Variants in FBXO25 observed in about 807,000 individuals in gnomAD.
FBXO25 encodes the protein F-box only protein 25.
In FBXO25, 45 loss-of-function variants were observed where a neutral mutation model predicts 51.9. The observed-to-expected ratio is 0.87, with a 90% CI of 0.68 to 1.11. FBXO25 has a LOEUF of 1.11. Ranked by LOEUF, FBXO25 falls within the 50% of genes most tolerant of loss-of-function variation. The probability of loss-of-function intolerance (pLI) is 0.00; values close to 1 mark genes in which losing one functional copy is unlikely to be tolerated. For synonymous variants in FBXO25, 199 were observed against 151.0 expected (o/e 1.32, Z -2.33); for missense variants, 507 against 428.5 (o/e 1.18, Z -1.62).
At chr8:467,813 G>T in intron 9 of FBXO25, 1 of 1,606,352 alleles carries the variant, frequency 6.2e-7, no homozygotes, top group South Asian at 1.1e-5. Flanking sequence ...TGCATCTCAT[G>T]CACGTCATCT....
intron 9 of FBXO25, among the ~76,000 whole-genome samples, chr8:466,787 T>A (rs899143961): frequency 1.3e-5 from 2 of 152,176 alleles, no homozygotes; most frequent in Admixed American, 6.5e-5. Context: ...TTAGTCAGCC[T>A]TCCACACAGT....
In FBXO25 at chr8:465,440, T is replaced by C. The variant is rs73669399; in HGVS notation, c.987+2290T>C. Among the ~76,000 whole-genome samples the C allele has an allele frequency of 7.2e-3, 1,103 of 152,348 alleles. 12 individuals carry two copies. Among genetic ancestry groups the C allele is most frequent in the African/African-American group, 0.025 (1,059 of 41,578 alleles). ...GGGAAAATACCATTCATAGAAGGGA[T>C]AGAAGGCTTTCAGTTTTGTATGTGG... On this transcript the variant is annotated intron_variant, in intron 9 of 9. Coordinates refer to ENST00000350302, the MANE Select transcript of FBXO25 (RefSeq NM_183420.2).
intron 7 of FBXO25, among the ~76,000 whole-genome samples, chr8:453,729 C>G (rs974642351): frequency 6.6e-6 from 1 of 152,132 alleles, no homozygotes; most frequent in Admixed American, 6.5e-5. Context: ...CCAAGCACAC[C>G]GCCTGAAGTT....
At chr8:459,151 C>T (rs1371312433) in intron 8 of FBXO25, among the ~76,000 whole-genome samples, 1 of 152,206 alleles carries the variant, frequency 6.6e-6, no homozygotes, top group African/African-American at 2.4e-5. Context: ...GGGTTCCCCT[C>T]GTCACCCCAC....
At chr8:466,804 G>GT (rs1164563494) in intron 9 of FBXO25, among the ~76,000 whole-genome samples, 28 of 152,274 alleles carry the variant, frequency 1.8e-4, no homozygotes, top group African/African-American at 5.8e-4. Flanking sequence ...CAGTCTGTAA[G>GT]TAACTGGGCT....
In FBXO25 at chr8:466,856, C is replaced by T. The variant is rs116157016; in HGVS notation, c.988-1859C>T. The stretch of plus-strand genomic sequence containing the variant: ...CCAAAGACTGACTTCGATGGCCCTG[C>T]GAGGGTCCACTGAGAGGGGTGGCGT... On this transcript the variant is annotated intron_variant, in intron 9 of 9. Transcript: ENST00000350302. Among the ~76,000 whole-genome samples the T allele has an allele frequency of 6.2e-4, 95 of 152,290 alleles. 1 individual carries two copies. The highest frequency in any genetic ancestry group is 2.1e-3 in the African/African-American group (89 of 41,558).
chr8:459,953 G>C (rs1013195688), intron 8 of FBXO25, among the ~76,000 whole-genome samples: 2 of 152,206 alleles, frequency 1.3e-5, no homozygotes, highest in African/African-American at 4.8e-5. Context: ...AAGTGGACTT[G>C]TTCGGGAGAA....
intron 8 of FBXO25, 96 bp downstream of exon 8, chr8:458,647 T>C (rs1004593813): frequency 2.8e-5 from 33 of 1,193,954 alleles, no homozygotes; most frequent in Middle Eastern, 4.3e-4. Context: ...AAAGAATGGC[T>C]GAGTATTTTC....
At position 471,468 on chromosome 8, in the gene FBXO25, G is replaced by C. The variant is rs1431591061; in HGVS notation, c.*2664G>C. On this transcript the variant is annotated 3_prime_UTR_variant, in exon 10 of 10. Coordinates refer to ENST00000350302, the MANE Select transcript of FBXO25 (RefSeq NM_183420.2). ...AAAAGTAGGGATGCCACTCCTGTGAGATTAAGTTACATTCTGATGCCTTCA... is the reference window on the plus strand; with the variant it reads ...AAAAGTAGGGATGCCACTCCTGTGACATTAAGTTACATTCTGATGCCTTCA... 1 of 152,216 alleles carries C rather than the reference G, an allele frequency of 6.6e-6. No individual in the cohort carries two copies. The highest frequency in any genetic ancestry group is 1.5e-5 in the Non-Finnish European group (1 of 68,050). 9.4% of individuals were successfully genotyped at this position (152,216 alleles called of 1,614,324 possible). A position where few individuals can be genotyped will look rare whatever the true frequency, so the allele number is the denominator to read the frequency against.
At chr8:430,785 T>C (rs1372044095) in intron 2 of FBXO25, among the ~76,000 whole-genome samples, 1 of 152,236 alleles carries the variant, frequency 6.6e-6, no homozygotes, top group Non-Finnish European at 1.5e-5. Flanking sequence ...AGAAAAGCTT[T>C]TAATTAAATG....
At chr8:448,056 A>G (rs1798849284) in intron 5 of FBXO25, among the ~76,000 whole-genome samples, 1 of 152,216 alleles carries the variant, frequency 6.6e-6, no homozygotes, top group African/African-American at 2.4e-5. Flanking sequence ...AATTAATAAG[A>G]ATGAAACCGT....
chr8:466,778 TAGTC>T (rs887061349), intron 9 of FBXO25, among the ~76,000 whole-genome samples: 4 of 152,168 alleles, frequency 2.6e-5, no homozygotes, highest in Non-Finnish European at 4.4e-5. Context: ...CTACCTGCCT[TAGTC>T]AGCCTTCCAC....
chr8:464,805 G>T (rs1442064938), intron 9 of FBXO25, among the ~76,000 whole-genome samples: 1 of 152,122 alleles, frequency 6.6e-6, no homozygotes, highest in Non-Finnish European at 1.5e-5. Context: ...ATGAATATGA[G>T]ATTTTATTTC....
At chr8:421,450 G>A (rs535397727) in intron 2 of FBXO25, among the ~76,000 whole-genome samples, 1 of 152,272 alleles carries the variant, frequency 6.6e-6, no homozygotes, top group South Asian at 2.1e-4. Flanking sequence ...CAAAACCTGT[G>A]GTTAGTGCAC....
Position 435,674 on chromosome 8 carries a change from TCAAG to T in FBXO25, c.349_352del (p.Gln117IlefsTer14). The T allele has an allele frequency of 6.2e-7, 1 of 1,600,730 alleles. No homozygotes were observed. The highest frequency in any genetic ancestry group is 8.5e-7 in the Non-Finnish European group (1 of 1,176,468). The stretch of plus-strand genomic sequence containing the variant: ...ATCGGTTAGACTTCTCAAGTGCAAT[TCAAG>T]ATATCCGAAGGTTCAATTATGTGGT... On this transcript the variant is annotated frameshift_variant, in exon 5 of 10. Transcript: ENST00000350302. LOFTEE classifies it high-confidence loss of function.
In FBXO25 at chr8:473,098, C is replaced by T. The variant is rs934163238; in HGVS notation, c.*4294C>T. ...GCATCCACCCTGCACTCATATGTATCTCAACAGAATTGCTGCTTCTGTCTT... is the reference window on the plus strand; with the variant it reads ...GCATCCACCCTGCACTCATATGTATTTCAACAGAATTGCTGCTTCTGTCTT... On this transcript the variant is annotated 3_prime_UTR_variant, in exon 10 of 10. Transcript: ENST00000350302. 1 of 152,418 alleles carries T rather than the reference C, an allele frequency of 6.6e-6. No homozygotes were observed. The highest frequency in any genetic ancestry group is 1.5e-5 in the Non-Finnish European group (1 of 68,174). 9.4% of individuals were successfully genotyped at this position (152,418 alleles called of 1,614,324 possible).
chr8:459,497 C>T (rs1431385217), intron 8 of FBXO25, among the ~76,000 whole-genome samples: 1 of 152,206 alleles, frequency 6.6e-6, no homozygotes, highest in East Asian at 1.9e-4. Flanking sequence ...CATGGAATTG[C>T]AGCTTTCAGA....
intron 7 of FBXO25, among the ~76,000 whole-genome samples, chr8:456,409 T>C (rs1057286273): frequency 6.6e-6 from 1 of 152,164 alleles, no homozygotes; most frequent in African/African-American, 2.4e-5. Context: ...TGCCATATGC[T>C]AGACGATAAA....
chr8:444,395 C>T (rs1446717040), intron 5 of FBXO25, among the ~76,000 whole-genome samples: 2 of 152,124 alleles, frequency 1.3e-5, no homozygotes, highest in Non-Finnish European at 2.9e-5. Flanking sequence ...GAGTGGACCT[C>T]GAATTTCAAA....
Sources: gnomAD v4.1 joint callset for allele counts (sites outside exome capture counted in the v4.1 genomes callset) on GRCh38, gnomAD v4.1.1 for gene constraint, MANE v1.5 for transcripts, NCBI Gene and HGNC (gene_info 2026-07-23, HGNC 2026-07-21) for gene names.